Variants in CUX2 observed in about 807,000 individuals in gnomAD.
The protein encoded by CUX2 is homeobox protein cut-like 2.
CUX2 carries 40 observed loss-of-function variants against 144.8 expected under a neutral mutation model. The ratio of observed to expected loss-of-function variants is 0.28; its 90% CI spans 0.21 to 0.36. The LOEUF (loss-of-function observed/expected upper bound fraction) is 0.36. Ranked by LOEUF, CUX2 falls within the 10% of genes least tolerant of loss-of-function variation. The pLI is 1.00. For missense variants in CUX2, 1,615 were observed against 1,994.0 expected (o/e 0.81, Z 3.62); for synonymous variants, 827 against 875.6 (o/e 0.94, Z 0.98).
Position 111,263,593 on chromosome 12 carries a change from C to T in CUX2, c.223-168C>T, listed in dbSNP as rs146173871. On this transcript the variant is annotated intron_variant, in intron 3 of 21. Transcript: ENST00000261726. This position sits in a 1 kb window ranked among gnomAD's most constrained non-coding sequence, Gnocchi z 4.0. Reference sequence around the variant, plus strand: ...TGAGCTGAGATCATTCTATGGCACTCCAGCCTGGGCGACAGAGCAAGACTC... The same window carrying T: ...TGAGCTGAGATCATTCTATGGCACTTCAGCCTGGGCGACAGAGCAAGACTC... Among the ~76,000 whole-genome samples the T allele has an allele frequency of 2.1e-3, 326 of 152,094 alleles. 3 individuals carry two copies. The highest frequency in any genetic ancestry group is 7.8e-3 in the African/African-American group (322 of 41,480).
chr12:111,103,805 T>C (rs1873419336), intron 1 of CUX2, among the ~76,000 whole-genome samples: 1 of 152,184 alleles, frequency 6.6e-6, no homozygotes, highest in Admixed American at 6.5e-5. Flanking sequence ...GCTGCTCAAA[T>C]GGTGTTATCT....
At chr12:111,185,883 G>C (rs1879496816) in intron 1 of CUX2, among the ~76,000 whole-genome samples, 1 of 152,034 alleles carries the variant, frequency 6.6e-6, no homozygotes, top group African/African-American at 2.4e-5. Context: ...CTAGGCAGTA[G>C]TTGGTCTCTC....
chr12:111,204,340 G>C (rs1880785115), intron 1 of CUX2, among the ~76,000 whole-genome samples: 1 of 152,206 alleles, frequency 6.6e-6, no homozygotes, highest in Non-Finnish European at 1.5e-5. Context: ...TGCCTGTTGT[G>C]CTCCCCATGT....
At chr12:111,093,406 C>T (rs1399316241) in intron 1 of CUX2, among the ~76,000 whole-genome samples, 2 of 151,998 alleles carry the variant, frequency 1.3e-5, no homozygotes, top group African/African-American at 4.8e-5. Context: ...CAGACGAGAA[C>T]TGTGTGTGGG....
chr12:111,265,543 A>T (rs759993844), intron 4 of CUX2, among the ~76,000 whole-genome samples: 33 of 151,752 alleles, frequency 2.2e-4, no homozygotes, highest in Non-Finnish European at 3.7e-4. Flanking sequence ...GGGTTGCCCT[A>T]TGTTGGCCAG....
chr12:111,294,776 C>T (rs553364163), intron 6 of CUX2, among the ~76,000 whole-genome samples: 2 of 151,722 alleles, frequency 1.3e-5, no homozygotes, highest in Non-Finnish European at 2.9e-5. Flanking sequence ...CAGGCGCCTG[C>T]AATCCCAGGT....
chr12:111,323,079 C>A (rs1274397976), intron 18 of CUX2, among the ~76,000 whole-genome samples: 1 of 152,190 alleles, frequency 6.6e-6, no homozygotes, highest in Non-Finnish European at 1.5e-5. Context: ...TGCCCAAAGT[C>A]CCAGAGTCCG....
At chr12:111,249,452 T>G (rs558123889) in intron 3 of CUX2, among the ~76,000 whole-genome samples, 197 of 144,118 alleles carry the variant, frequency 1.4e-3, no homozygotes, top group Non-Finnish European at 2.4e-3. Flanking sequence ...TTTGTTTTTT[T>G]TTTTTTTTTT....
intron 1 of CUX2, among the ~76,000 whole-genome samples, chr12:111,169,395 C>G (rs1878369613): frequency 6.6e-6 from 1 of 152,196 alleles, no homozygotes; most frequent in Non-Finnish European, 1.5e-5. Flanking sequence ...TTTAAACTCC[C>G]CTAGTTGGTG....
chr12:111,154,717 G>T (rs1877267255), intron 1 of CUX2, among the ~76,000 whole-genome samples: 1 of 152,192 alleles, frequency 6.6e-6, no homozygotes, highest in South Asian at 2.1e-4. Context: ...TCTTGCAAGA[G>T]AGACTCCAGG....
chr12:111,338,497 G>A lies in CUX2; in HGVS notation c.3385+23G>A, dbSNP rs367813134. 12 of 1,588,666 alleles carry A rather than the reference G, an allele frequency of 7.6e-6. No individual in the cohort carries two copies. In the East Asian group the frequency reaches 1.6e-4, roughly 21 times the overall value. On this transcript the variant is annotated intron_variant, in intron 20 of 21. Transcript: ENST00000261726. ...AAGGTAAGACTTGGGCAGAGGATGG[G>A]CCCCAGCACTGGGTCTCAGATTTTC...
chr12:111,172,054 C>T (rs775147147), intron 1 of CUX2, among the ~76,000 whole-genome samples: 11 of 151,178 alleles, frequency 7.3e-5, no homozygotes, highest in Non-Finnish European at 1.5e-4. Flanking sequence ...TATACATGTG[C>T]ATGTGCACAC....
chr12:111,118,644 G>A (rs763751838), intron 1 of CUX2, among the ~76,000 whole-genome samples: 21 of 152,126 alleles, frequency 1.4e-4, no homozygotes, highest in Non-Finnish European at 2.2e-4. Flanking sequence ...TCCCAGGGCC[G>A]GACCAGCTTC....
intron 4 of CUX2, among the ~76,000 whole-genome samples, chr12:111,264,638 G>A (rs1353325203): frequency 3.3e-5 from 5 of 152,218 alleles, no homozygotes; most frequent in East Asian, 1.9e-4. Context: ...GCAGCTGCTC[G>A]GGAGGCTGAG....
Position 111,263,725 on chromosome 12 carries a change from G to A in CUX2, c.223-36G>A, listed in dbSNP as rs1354724665. On this transcript the variant is annotated intron_variant, in intron 3 of 21. Transcript: ENST00000261726. This position sits in a 1 kb window ranked among gnomAD's most constrained non-coding sequence, Gnocchi z 4.0. Reference sequence around the variant, plus strand: ...ATTTGCTTGCAGACACAGATGCCATGGTTACACGTGACTCTTTCTCTTGTT... The same window carrying A: ...ATTTGCTTGCAGACACAGATGCCATAGTTACACGTGACTCTTTCTCTTGTT... The A allele has an allele frequency of 2.0e-6, 3 of 1,519,632 alleles. No homozygotes were observed. The highest frequency in any genetic ancestry group is 2.7e-5 in the African/African-American group (2 of 72,926). 94.1% of individuals were successfully genotyped at this position (1,519,632 alleles called of 1,614,324 possible). A position where few individuals can be genotyped will look rare whatever the true frequency, so the allele number is the denominator to read the frequency against.
At position 111,310,376 on chromosome 12, in the gene CUX2, G is replaced by A. The variant is rs747736165; in HGVS notation, c.1594G>A (p.Gly532Ser). ...GGCCCCTGGCCCTGAGCCACTGGGC[G>A]GTCCTGAGCCCGCGGATGGTGGTGG... The part of the protein sequence containing the change: ...TPAPGPEPLG[G>S]PEPADGGGGG... Residue 532 changes from glycine (G) to serine (S), a missense_variant, in exon 15 of 22, where the codon GGT (glycine) becomes AGT (serine). Coordinates refer to ENST00000261726, the MANE Select transcript of CUX2 (RefSeq NM_015267.4). This position sits in a 1 kb window ranked among gnomAD's most constrained non-coding sequence, Gnocchi z 7.9. The A allele has an allele frequency of 2.6e-5, 41 of 1,596,526 alleles. No individual in the cohort carries two copies. Among genetic ancestry groups the A allele is most frequent in the Non-Finnish European group, 3.3e-5 (39 of 1,169,410 alleles).
chr12:111,142,751 G>A (rs762399469), intron 1 of CUX2, among the ~76,000 whole-genome samples: 1 of 152,056 alleles, frequency 6.6e-6, no homozygotes, highest in Non-Finnish European at 1.5e-5. Flanking sequence ...GGGATGAATC[G>A]AGGAACCCTG....
In CUX2 at chr12:111,039,562, T is replaced by C. The variant is rs899555361; in HGVS notation, c.63+5322T>C. Among the ~76,000 whole-genome samples the C allele has an allele frequency of 1.3e-5, 2 of 152,166 alleles. No individual in the cohort carries two copies. Among genetic ancestry groups the C allele is most frequent in the Admixed American group, 6.5e-5 (1 of 15,280 alleles). On this transcript the variant is annotated intron_variant, in intron 1 of 21. Coordinates refer to ENST00000261726, the MANE Select transcript of CUX2 (RefSeq NM_015267.4). This position sits in a 1 kb window ranked among gnomAD's most constrained non-coding sequence, Gnocchi z 4.2. The stretch of plus-strand genomic sequence containing the variant: ...GCATTGTCTTCTTCTTTTTTGTTTT[T>C]TCAAGATGGAGTCTCGCTCTGCCAC...
In CUX2 at chr12:111,255,061, T is replaced by C. The variant is rs974406168; in HGVS notation, c.223-8700T>C. On this transcript the variant is annotated intron_variant, in intron 3 of 21. Transcript: ENST00000261726. The surrounding 1 kb of genome is among the most constrained non-coding windows in gnomAD (Gnocchi z 4.1). ...CATGTTGGCCAGGCTGGTCTCGAAC[T>C]CCTGACCACAGATGATCCCTCCGCC... Among the ~76,000 whole-genome samples, 2 of 152,326 alleles carry C rather than the reference T, an allele frequency of 1.3e-5. No individual in the cohort carries two copies. Among genetic ancestry groups the C allele is most frequent in the Admixed American group, 1.3e-4 (2 of 15,304 alleles).
Sources: gnomAD v4.1 joint callset for allele counts (sites outside exome capture counted in the v4.1 genomes callset) on GRCh38, gnomAD v4.1.1 for gene constraint, Gnocchi (gnomAD v3.1) non-coding constraint, MANE v1.5 for transcripts, NCBI Gene and HGNC (gene_info 2026-07-23, HGNC 2026-07-21) for gene names.